KCNH5: variants seen among roughly 807,000 people sequenced by gnomAD.
The protein encoded by KCNH5 is potassium voltage-gated channel subfamily H member 5, also known as voltage-gated delayed rectifier potassium channel KCNH5.
A neutral mutation model predicts 96.1 loss-of-function variants in KCNH5; 46 were observed. The observed-to-expected ratio is 0.48, with a 90% CI of 0.38 to 0.61. The LOEUF is 0.61. KCNH5 is among the 20% of genes least tolerant of loss of function. The pLI is 0.00. For synonymous variants in KCNH5, 439 were observed against 449.8 expected, an observed-to-expected ratio of 0.98 and a Z score of 0.30; for missense variants, 907 against 1,225.8, an observed-to-expected ratio of 0.74 and a Z score of 3.88.
intron 7 of KCNH5, among the ~76,000 whole-genome samples, chr14:62,916,723 G>GA (rs34509650): frequency 0.25 from 26,137 of 105,540 alleles, 2,588 homozygotes; most frequent in East Asian, 0.64. Flanking sequence ...TGAAAGGAGA[G>GA]AGCACAGCTC....
chr14:62,950,966 G>C (rs17100564), intron 6 of KCNH5, among the ~76,000 whole-genome samples: 7,520 of 152,072 alleles, frequency 0.049, 631 homozygotes, highest in African/African-American at 0.17. Flanking sequence ...ACTCTAAAAG[G>C]TTTCTTTTCA....
intron 10 of KCNH5, among the ~76,000 whole-genome samples, chr14:62,737,062 A>G (rs1430728568): frequency 1.3e-5 from 2 of 152,116 alleles, no homozygotes; most frequent in African/African-American, 4.8e-5. Context: ...TCTTTGTTCA[A>G]GCAACAGTTT....
intron 2 of KCNH5, among the ~76,000 whole-genome samples, chr14:63,014,855 A>T (rs17100627): frequency 1.3e-5 from 2 of 151,816 alleles, no homozygotes; most frequent in Non-Finnish European, 2.9e-5. Context: ...TCCAAGAATA[A>T]GAAATGCGAG....
chr14:62,988,995 G>A (rs956083204), intron 4 of KCNH5, among the ~76,000 whole-genome samples: 3 of 151,488 alleles, frequency 2.0e-5, no homozygotes, highest in Admixed American at 1.3e-4. Flanking sequence ...CATGAAATTC[G>A]CCATCCTCTT....
chr14:62,831,844 G>A (rs1287394248), intron 8 of KCNH5, among the ~76,000 whole-genome samples: 1 of 152,086 alleles, frequency 6.6e-6, no homozygotes, highest in Non-Finnish European at 1.5e-5. Flanking sequence ...GAGTAGCTGA[G>A]GCTACAGGCA....
chr14:62,883,290 T>A (rs1428577560), intron 7 of KCNH5, among the ~76,000 whole-genome samples: 1 of 152,176 alleles, frequency 6.6e-6, no homozygotes, highest in East Asian at 1.9e-4. Context: ...ATCTAAAAAA[T>A]TTAGCAGTCC....
intron 2 of KCNH5, among the ~76,000 whole-genome samples, chr14:63,009,067 A>G (rs549637110): frequency 1.3e-5 from 2 of 152,292 alleles, no homozygotes; most frequent in East Asian, 3.9e-4. Context: ...TCACACTGCT[A>G]CTAAATGACA....
chr14:62,837,504 T>C (rs922404544), intron 8 of KCNH5, among the ~76,000 whole-genome samples: 3 of 152,242 alleles, frequency 2.0e-5, no homozygotes, highest in Non-Finnish European at 2.9e-5. Context: ...CAATTTTCCA[T>C]GTTTTCCTCT....
chr14:62,817,341 A>C lies in KCNH5; in HGVS notation c.1570-14760T>G, dbSNP rs181771072. On this transcript the variant is annotated intron_variant, in intron 8 of 10. Coordinates refer to ENST00000322893, the MANE Select transcript of KCNH5 (RefSeq NM_139318.5). ...AACAAAATAAGAAGTTCAATAAATAAAGTCACAAAAAAGAACCAAACAGGA... is the reference window on the plus strand; with the variant it reads ...AACAAAATAAGAAGTTCAATAAATACAGTCACAAAAAAGAACCAAACAGGA... 1.1e-4 allele frequency among the ~76,000 whole-genome samples: 16 copies of C among 146,420 alleles called. No individual in the cohort carries two copies. In the East Asian group the frequency reaches 3.2e-3, roughly 29 times the overall value.
intron 8 of KCNH5, among the ~76,000 whole-genome samples, chr14:62,842,674 C>T (rs1887609699): frequency 6.6e-6 from 1 of 152,160 alleles, no homozygotes; most frequent in African/African-American, 2.4e-5. Context: ...CTACAGTTGT[C>T]CCATACTGGC....
chr14:62,956,086 C>T (rs1022898493), intron 6 of KCNH5, among the ~76,000 whole-genome samples: 4 of 152,276 alleles, frequency 2.6e-5, no homozygotes, highest in African/African-American at 9.6e-5. Context: ...GGGCTTATCA[C>T]AGACATTAAG....
intron 8 of KCNH5, among the ~76,000 whole-genome samples, chr14:62,831,504 C>T (rs887946225): frequency 3.3e-5 from 5 of 152,072 alleles, no homozygotes; most frequent in South Asian, 4.1e-4. Flanking sequence ...ACATGTTCAT[C>T]GACCATTTAT....
At position 63,043,949 on chromosome 14, in the gene KCNH5, C is replaced by T. The variant is rs527451204; in HGVS notation, c.73+1165G>A. Among the ~76,000 whole-genome samples, 5 of 152,078 alleles carry T rather than the reference C, an allele frequency of 3.3e-5. No homozygotes were observed. The South Asian group carries it at 1.0e-3, about 32-fold the overall frequency. ...AAGAAGAGGGGATGTGTATTAATTACTTTTTTTTAATCCCAAGAAACCACA... is the reference window on the plus strand; with the variant it reads ...AAGAAGAGGGGATGTGTATTAATTATTTTTTTTTAATCCCAAGAAACCACA... On this transcript the variant is annotated intron_variant, in intron 1 of 10. Transcript: ENST00000322893.
chr14:62,897,078 G>C (rs1888828665), intron 7 of KCNH5, among the ~76,000 whole-genome samples: 1 of 152,182 alleles, frequency 6.6e-6, no homozygotes, highest in South Asian at 2.1e-4. Flanking sequence ...GCAGTGGCTA[G>C]AACTGACACA....
chr14:62,981,781 C>T (rs950927678), intron 5 of KCNH5, among the ~76,000 whole-genome samples: 2 of 152,182 alleles, frequency 1.3e-5, no homozygotes, highest in African/African-American at 2.4e-5. Context: ...TAAAGGGTAT[C>T]GCCTGCTTTT....
chr14:62,921,198 A>T (rs1328043042), intron 7 of KCNH5, among the ~76,000 whole-genome samples: 1 of 152,136 alleles, frequency 6.6e-6, no homozygotes, highest in East Asian at 1.9e-4. Context: ...CATGTTCCGT[A>T]ATTAAACACA....
chr14:62,884,075 C>A (rs1214205264), intron 7 of KCNH5, among the ~76,000 whole-genome samples: 3 of 152,076 alleles, frequency 2.0e-5, no homozygotes, highest in Non-Finnish European at 4.4e-5. Flanking sequence ...CTTAGAGAAC[C>A]ACCAGTACTG....
intron 4 of KCNH5, among the ~76,000 whole-genome samples, chr14:62,997,962 T>A (rs575316060): frequency 4.6e-5 from 7 of 151,692 alleles, no homozygotes; most frequent in Non-Finnish European, 8.8e-5. Context: ...TCTTGTAATG[T>A]CTTTTTCTGG....
At chr14:62,893,772 C>A (rs1427344059) in intron 7 of KCNH5, among the ~76,000 whole-genome samples, 1 of 152,104 alleles carries the variant, frequency 6.6e-6, no homozygotes, top group Non-Finnish European at 1.5e-5. Flanking sequence ...AGTACATAAA[C>A]TTAGTTGATC....
Sources: gnomAD v4.1 joint callset for allele counts (sites outside exome capture counted in the v4.1 genomes callset) on GRCh38, gnomAD v4.1.1 for gene constraint, MANE v1.5 for transcripts, NCBI Gene and HGNC (gene_info 2026-07-23, HGNC 2026-07-21) for gene names.